Variants in SYT2 observed in about 807,000 individuals in gnomAD.
The protein encoded by SYT2 is synaptotagmin-2.
SYT2 carries 15 observed loss-of-function variants against 39.9 expected under a neutral mutation model. The observed-to-expected ratio is 0.38, with a 90% CI of 0.25 to 0.58. SYT2 has a LOEUF of 0.58. Ranked by LOEUF, SYT2 falls within the 20% of genes least tolerant of loss-of-function variation. The pLI, the probability that SYT2 is intolerant of heterozygous loss-of-function variation, is 0.70. For missense variants in SYT2, 389 were observed against 530.3 expected (o/e 0.73, Z 2.62); for synonymous variants, 181 against 204.5 (o/e 0.89, Z 0.98).
chr1:202,675,074 G>C (rs1018961836), intron 1 of SYT2, among the ~76,000 whole-genome samples: 1 of 152,216 alleles, frequency 6.6e-6, no homozygotes, highest in Non-Finnish European at 1.5e-5. Flanking sequence ...CCCCTGAACA[G>C]TGCTGGGTGC....
intron 1 of SYT2, among the ~76,000 whole-genome samples, chr1:202,699,178 G>A (rs906047066): frequency 7.9e-5 from 12 of 151,926 alleles, no homozygotes; most frequent in Non-Finnish European, 1.0e-4. Context: ...ATGCCACCAC[G>A]TCCAGCTAAT....
chr1:202,674,104 T>C (rs1408139347), intron 1 of SYT2, among the ~76,000 whole-genome samples: 2 of 152,140 alleles, frequency 1.3e-5, no homozygotes, highest in East Asian at 3.8e-4. Context: ...TATTTATTTG[T>C]TTTATTTTAT....
chr1:202,642,333 C>T (rs1253794588), intron 1 of SYT2, among the ~76,000 whole-genome samples: 2 of 152,170 alleles, frequency 1.3e-5, no homozygotes, highest in African/African-American at 4.8e-5. Context: ...CTCGGGCAGG[C>T]GTGCCCATGA....
intron 1 of SYT2, among the ~76,000 whole-genome samples, chr1:202,616,187 G>A (rs1233487163): frequency 1.3e-5 from 2 of 152,288 alleles, no homozygotes; most frequent in Admixed American, 6.5e-5. Context: ...TTATTTTAAA[G>A]AAAAGCAGAA....
chr1:202,603,406 G>A (rs1690588795), intron 3 of SYT2, among the ~76,000 whole-genome samples: 1 of 152,170 alleles, frequency 6.6e-6, no homozygotes, highest in African/African-American at 2.4e-5. Flanking sequence ...CAGGCCCTGT[G>A]CCAACTGCTC....
chr1:202,630,140 G>T (rs1258149483), intron 1 of SYT2, among the ~76,000 whole-genome samples: 1 of 152,202 alleles, frequency 6.6e-6, no homozygotes, highest in African/African-American at 2.4e-5. Flanking sequence ...GGCTGGGAGG[G>T]GACAGGGATC....
chr1:202,664,290 G>A (rs1036677897), intron 1 of SYT2, among the ~76,000 whole-genome samples: 3 of 152,152 alleles, frequency 2.0e-5, no homozygotes, highest in African/African-American at 7.2e-5. Flanking sequence ...GTGACTCACT[G>A]CCATCCTTCT....
At chr1:202,610,563 T>A (rs1690858722) in intron 1 of SYT2, among the ~76,000 whole-genome samples, 1 of 152,254 alleles carries the variant, frequency 6.6e-6, no homozygotes, top group African/African-American at 2.4e-5. Flanking sequence ...TGATTGTATA[T>A]CTAGAAAACC....
chr1:202,638,114 C>A (rs1691791832), intron 1 of SYT2, among the ~76,000 whole-genome samples: 1 of 152,222 alleles, frequency 6.6e-6, no homozygotes, highest in African/African-American at 2.4e-5. Context: ...CCAAATGCAC[C>A]CTTTGTTAAA....
At chr1:202,617,908 G>T (rs550977551) in intron 1 of SYT2, among the ~76,000 whole-genome samples, 4 of 151,962 alleles carry the variant, frequency 2.6e-5, no homozygotes, top group African/African-American at 4.8e-5. Context: ...CGCATTTTTT[G>T]TTGTTGTTGT....
At chr1:202,635,458 T>A (rs1375707584) in intron 1 of SYT2, among the ~76,000 whole-genome samples, 1 of 152,308 alleles carries the variant, frequency 6.6e-6, no homozygotes, top group East Asian at 1.9e-4. Context: ...ATGCTGGATA[T>A]CTTCTTTAGG....
intron 1 of SYT2, among the ~76,000 whole-genome samples, chr1:202,679,406 G>T (rs192693299): frequency 1.3e-3 from 195 of 152,160 alleles, no homozygotes; most frequent in African/African-American, 4.3e-3. Flanking sequence ...CTCAAATCAG[G>T]CCCAGTCTTG....
chr1:202,642,721 C>A (rs372234724), intron 1 of SYT2, among the ~76,000 whole-genome samples: 4 of 152,364 alleles, frequency 2.6e-5, no homozygotes, highest in South Asian at 2.1e-4. Flanking sequence ...GGCACACCCC[C>A]CTCTGCGCCA....
At position 202,614,364 on chromosome 1, in the gene SYT2, G is replaced by A. The variant is rs1373736284; in HGVS notation, c.-17-8575C>T. On this transcript the variant is annotated intron_variant, in intron 1 of 8. Coordinates refer to ENST00000367268, the MANE Select transcript of SYT2 (RefSeq NM_177402.5). The surrounding 1 kb of genome is among the most constrained non-coding windows in gnomAD (Gnocchi z 4.0). ...TTGTGAAGTTAGCTCCATGGGGAGT[G>A]GAGCAGGGAGGTTGGTTCCACAGAC... Among the ~76,000 whole-genome samples the A allele has an allele frequency of 2.0e-5, 3 of 152,172 alleles. No homozygotes were observed. Among genetic ancestry groups the A allele is most frequent in the African/African-American group, 7.2e-5 (3 of 41,444 alleles).
chr1:202,618,549 C>G (rs1572628979), intron 1 of SYT2, among the ~76,000 whole-genome samples: 1 of 152,156 alleles, frequency 6.6e-6, no homozygotes, highest in East Asian at 1.9e-4. Flanking sequence ...GACGCACCCC[C>G]TTATGAGTCA....
At chr1:202,702,459 ATTAAC>A (rs1208674475) in intron 1 of SYT2, among the ~76,000 whole-genome samples, 1 of 152,134 alleles carries the variant, frequency 6.6e-6, no homozygotes, top group Non-Finnish European at 1.5e-5. Flanking sequence ...CCCACAGCCA[ATTAAC>A]TCCATGCTTC....
chr1:202,698,035 G>A (rs952018201), intron 1 of SYT2, among the ~76,000 whole-genome samples: 1 of 152,018 alleles, frequency 6.6e-6, no homozygotes, highest in African/African-American at 2.4e-5. Context: ...CAGGGGATGC[G>A]GGGAGGGTGA....
chr1:202,622,186 C>G (rs1456968513), intron 1 of SYT2, among the ~76,000 whole-genome samples: 1 of 152,178 alleles, frequency 6.6e-6, no homozygotes, highest in Non-Finnish European at 1.5e-5. Context: ...CTAGAAAGAT[C>G]AATACTTAAG....
intron 1 of SYT2, among the ~76,000 whole-genome samples, chr1:202,626,925 T>C (rs1691433648): frequency 6.6e-6 from 1 of 152,248 alleles, no homozygotes; most frequent in Non-Finnish European, 1.5e-5. Context: ...AGAGGCCACA[T>C]GTGCTGGCAC....
Sources: gnomAD v4.1 joint callset for allele counts (sites outside exome capture counted in the v4.1 genomes callset) on GRCh38, gnomAD v4.1.1 for gene constraint, Gnocchi (gnomAD v3.1) non-coding constraint, MANE v1.5 for transcripts, NCBI Gene and HGNC (gene_info 2026-07-23, HGNC 2026-07-21) for gene names.